Variants in BPNT2 observed in about 807,000 individuals in gnomAD.
The protein encoded by BPNT2 is Golgi-resident adenosine 3',5'-bisphosphate 3'-phosphatase.
A neutral mutation model predicts 29.3 loss-of-function variants in BPNT2; 11 were observed. The observed-to-expected ratio is 0.38, with a 90% CI of 0.24 to 0.62. The LOEUF (loss-of-function observed/expected upper bound fraction) is 0.62. BPNT2 is among the 20% of genes least tolerant of loss of function. The pLI is 0.62. For synonymous variants in BPNT2, 195 were observed against 187.7 expected, an observed-to-expected ratio of 1.04 and a Z score of -0.32; for missense variants, 459 against 473.4, an observed-to-expected ratio of 0.97 and a Z score of 0.28.
intron 3 of BPNT2, among the ~76,000 whole-genome samples, chr8:56,970,710 T>C (rs182507105): frequency 2.6e-5 from 4 of 152,322 alleles, no homozygotes; most frequent in South Asian, 2.1e-4. Flanking sequence ...TTTTTAGAGA[T>C]GCATACTGAA....
intron 1 of BPNT2, among the ~76,000 whole-genome samples, chr8:56,990,968 G>T (rs1806408229): frequency 1.3e-5 from 2 of 152,220 alleles, no homozygotes; most frequent in Admixed American, 1.3e-4. Flanking sequence ...CCACTAGGAA[G>T]TAAACTAAGT....
rs1014150277 is a variant in BPNT2, at chr8:56,993,611, C to A, written c.-26G>T. The A allele has an allele frequency of 1.7e-5, 24 of 1,394,144 alleles. No homozygotes were observed. Among genetic ancestry groups the A allele is most frequent in the Non-Finnish European group, 2.0e-5 (21 of 1,068,420 alleles). 86.4% of individuals were successfully genotyped at this position (1,394,144 alleles called of 1,614,324 possible). A position where few individuals can be genotyped will look rare whatever the true frequency, so the allele number is the denominator to read the frequency against. ...GGCGTGGGAAGCCGGGCGCTCCGGG[C>A]TGCGGCTCTCACAGGCCTCCAGCGC... On this transcript the variant is annotated 5_prime_UTR_variant, in exon 1 of 5. Transcript: ENST00000262644.
intron 1 of BPNT2, among the ~76,000 whole-genome samples, chr8:56,988,858 T>C (rs1050809170): frequency 4.6e-5 from 7 of 152,182 alleles, no homozygotes; most frequent in African/African-American, 7.2e-5. Flanking sequence ...AAAACCCCAA[T>C]TGTGAAAGCT....
In BPNT2 at chr8:56,993,707, C is replaced by T. The variant is rs1806460088; in HGVS notation, c.-122G>A. On this transcript the variant is annotated 5_prime_UTR_variant, in exon 1 of 5. Transcript: ENST00000262644. Reference sequence around the variant, plus strand: ...GCGCGGGCTACACTGGCGCCCGCTCCCCGGCCCCGGTGCGCCCCATCACTC... The same window carrying T: ...GCGCGGGCTACACTGGCGCCCGCTCTCCGGCCCCGGTGCGCCCCATCACTC... 3.0e-6 allele frequency: 3 copies of T among 1,009,636 alleles called. No individual in the cohort carries two copies. The highest frequency in any genetic ancestry group is 1.2e-4 in the Admixed American group (2 of 17,348). The allele number at this position is 1,009,636 out of a possible 1,614,324, so 62.5% of individuals were successfully genotyped here.
chr8:56,980,854 A>AC (rs1035025436), intron 1 of BPNT2, among the ~76,000 whole-genome samples: 1 of 142,050 alleles, frequency 7.0e-6, no homozygotes, highest in African/African-American at 2.6e-5. Context: ...ACACACACAA[A>AC]CCCCCCTTAC....
At position 56,963,941 on chromosome 8, in the gene BPNT2, A is replaced by G; in HGVS notation, c.932T>C (p.Leu311Pro). 1.2e-6 allele frequency: 2 copies of G among 1,614,066 alleles called. No homozygotes were observed. The highest frequency in any genetic ancestry group is 1.7e-6 in the Non-Finnish European group (2 of 1,179,982). Residue 311 changes from leucine to proline, a missense_variant, in exon 5 of 5, where the codon CTA (leucine) becomes CCA (proline). Transcript: ENST00000262644. ...ICAGNAILKA[L>P]GGHMTTLSGE... ...ACTCAGGGTAGTCATATGCCCCCCTAGGGCTTTTAAGATGGCATTACCAGC... is the reference window on the plus strand; with the variant it reads ...ACTCAGGGTAGTCATATGCCCCCCTGGGGCTTTTAAGATGGCATTACCAGC...
At chr8:56,980,947 T>C (rs913930374) in intron 1 of BPNT2, among the ~76,000 whole-genome samples, 1 of 151,592 alleles carries the variant, frequency 6.6e-6, no homozygotes, top group Non-Finnish European at 1.5e-5. Context: ...TATAATACTT[T>C]ATGTAAGTAT....
chr8:56,958,244 A>C lies in BPNT2; in HGVS notation c.*5549T>G, dbSNP rs112348747. The C allele has an allele frequency of 6.7e-4, 102 of 152,304 alleles. 1 individual carries two copies. Among genetic ancestry groups the C allele is most frequent in the African/African-American group, 2.3e-3 (97 of 41,552 alleles). The allele number at this position is 152,304 out of a possible 1,614,324, so 9.4% of individuals were successfully genotyped here. On this transcript the variant is annotated 3_prime_UTR_variant, in exon 5 of 5. Transcript: ENST00000262644. ...ACATTAAGTACTTAATTTGTGCAAG[A>C]GACTGGGCTATGTGCTGGGGGTGAG...
At chr8:56,970,434 C>CA (rs1164313554) in intron 3 of BPNT2, among the ~76,000 whole-genome samples, 1 of 152,058 alleles carries the variant, frequency 6.6e-6, no homozygotes, top group Non-Finnish European at 1.5e-5. Context: ...AAAGACAGAC[C>CA]ATTCTAAAGG....
chr8:56,981,736 C>T (rs979216553), intron 1 of BPNT2, among the ~76,000 whole-genome samples: 4 of 152,104 alleles, frequency 2.6e-5, no homozygotes, highest in African/African-American at 9.7e-5. Context: ...ACTTCTATCA[C>T]ATCATCATAC....
intron 3 of BPNT2, among the ~76,000 whole-genome samples, chr8:56,970,945 C>T (rs1806021163): frequency 6.6e-6 from 1 of 151,804 alleles, no homozygotes; most frequent in South Asian, 2.1e-4. Context: ...CATAAATATT[C>T]CAAAAACCAG....
At position 56,963,775 on chromosome 8, in the gene BPNT2, C is replaced by T. The variant is rs1416704034; in HGVS notation, c.*18G>A. 1 of 1,613,738 alleles carries T rather than the reference C, an allele frequency of 6.2e-7. No homozygotes were observed. Among genetic ancestry groups the T allele is most frequent in the Non-Finnish European group, 8.5e-7 (1 of 1,179,680 alleles). ...ACCATTTCAGCTGTGAAGAACTGTA[C>T]CCTGTAATCAGTTATGCTCATTTAT... On this transcript the variant is annotated 3_prime_UTR_variant, in exon 5 of 5. Transcript: ENST00000262644.
chr8:56,981,110 C>T (rs887537911), intron 1 of BPNT2, among the ~76,000 whole-genome samples: 32 of 152,002 alleles, frequency 2.1e-4, no homozygotes, highest in African/African-American at 6.8e-4. Context: ...GCCACTAGAA[C>T]GCACCAGATG....
chr8:56,976,357 A>G (rs1033360731), intron 3 of BPNT2, among the ~76,000 whole-genome samples: 3 of 152,272 alleles, frequency 2.0e-5, no homozygotes, highest in Non-Finnish European at 2.9e-5. Flanking sequence ...TCAACCTCAT[A>G]TATTTTGGTG....
rs964911672 is a variant in BPNT2, at chr8:56,992,708, G to A, written c.387+491C>T. Among the ~76,000 whole-genome samples the A allele has an allele frequency of 1.1e-4, 3 of 27,090 alleles. No homozygotes were observed. The Admixed American group carries it at 1.5e-3, about 14-fold the overall frequency. 17.8% of individuals were successfully genotyped at this position (27,090 alleles called of 152,430 possible). On this transcript the variant is annotated intron_variant, in intron 1 of 4. Coordinates refer to ENST00000262644, the MANE Select transcript of BPNT2 (RefSeq NM_017813.5). The stretch of plus-strand genomic sequence containing the variant: ...CCCCCACCCCCCCACCCCGACTCCC[G>A]CGAGCGCACACACGCACACACAAAT...
At chr8:56,979,380 T>C (rs1227650925) in intron 2 of BPNT2, among the ~76,000 whole-genome samples, 1 of 152,194 alleles carries the variant, frequency 6.6e-6, no homozygotes, top group Non-Finnish European at 1.5e-5. Flanking sequence ...TGAACAAATT[T>C]CTCGATATTC....
At chr8:56,981,949 A>G (rs1806252381) in intron 1 of BPNT2, among the ~76,000 whole-genome samples, 1 of 152,266 alleles carries the variant, frequency 6.6e-6, no homozygotes, top group African/African-American at 2.4e-5. Flanking sequence ...GAGTATTGTC[A>G]ATACAACATC....
chr8:56,963,613 C>G lies in BPNT2; in HGVS notation c.*180G>C, dbSNP rs545538432. On this transcript the variant is annotated 3_prime_UTR_variant, in exon 5 of 5. Coordinates refer to ENST00000262644, the MANE Select transcript of BPNT2 (RefSeq NM_017813.5). ...AGACAATACTTGAGACACAAAGCAA[C>G]CCATTTTCCCTGATTTTGCATTCTA... 17 of 627,550 alleles carry G rather than the reference C, an allele frequency of 2.7e-5. No individual in the cohort carries two copies. The highest frequency in any genetic ancestry group is 2.2e-4 in the African/African-American group (12 of 54,886). 38.9% of individuals were successfully genotyped at this position (627,550 alleles called of 1,614,324 possible).
chr8:56,980,534 A>G (rs1298238569), intron 1 of BPNT2, among the ~76,000 whole-genome samples: 2 of 152,296 alleles, frequency 1.3e-5, no homozygotes, highest in South Asian at 2.1e-4. Context: ...ATAGCTCTAA[A>G]GTGTGAAAAT....
Sources: allele counts gnomAD v4.1 joint callset (sites outside exome capture counted in the v4.1 genomes callset), GRCh38; gene constraint gnomAD v4.1.1; transcripts MANE v1.5; gene names NCBI Gene and HGNC (gene_info 2026-07-23, HGNC 2026-07-21).